The following STK32C variants were observed in gnomAD, a reference collection of about 807,000 sequenced individuals.
STK32C encodes serine/threonine kinase 32C.
A neutral mutation model predicts 56.5 loss-of-function variants in STK32C; 31 were observed. The ratio of observed to expected loss-of-function variants is 0.55; its 90% CI spans 0.41 to 0.74. The LOEUF (loss-of-function observed/expected upper bound fraction) is 0.74. Ranked by LOEUF, STK32C falls within the 30% of genes least tolerant of loss-of-function variation. The pLI is 0.00. For synonymous variants in STK32C, 309 were observed against 289.4 expected (o/e 1.07, Z -0.69); for missense variants, 544 against 676.9 (o/e 0.80, Z 2.18).
intron 1 of STK32C, among the ~76,000 whole-genome samples, chr10:132,326,003 G>A (rs991136389): frequency 1.3e-5 from 2 of 152,156 alleles, no homozygotes; most frequent in Admixed American, 1.3e-4. Context: ...TTACAGGCAT[G>A]AGCCACCACG....
At chr10:132,258,237 G>A (rs1387295901) in intron 1 of STK32C, among the ~76,000 whole-genome samples, 2 of 152,266 alleles carry the variant, frequency 1.3e-5, no homozygotes, top group Admixed American at 6.5e-5. Flanking sequence ...GGCTGGGCAG[G>A]TGTCTGCCGG....
At chr10:132,279,363 G>C (rs142519027) in intron 1 of STK32C, among the ~76,000 whole-genome samples, 1 of 152,068 alleles carries the variant, frequency 6.6e-6, no homozygotes, top group South Asian at 2.1e-4. Context: ...ATCCCAAAGA[G>C]ACAACATAAA....
intron 8 of STK32C, among the ~76,000 whole-genome samples, chr10:132,223,925 C>T (rs554045821): frequency 3.3e-5 from 5 of 152,338 alleles, no homozygotes; most frequent in Middle Eastern, 3.4e-3. Flanking sequence ...CACCCCTGCC[C>T]GTGTCCCTGC....
chr10:132,209,783 C>T (rs1043478995), intron 10 of STK32C, among the ~76,000 whole-genome samples: 28 of 152,182 alleles, frequency 1.8e-4, no homozygotes, highest in Non-Finnish European at 2.8e-4. Flanking sequence ...TCACTACCAA[C>T]GCGTGAGCAA....
At chr10:132,263,620 G>A (rs2064380299) in intron 1 of STK32C, among the ~76,000 whole-genome samples, 2 of 151,990 alleles carry the variant, frequency 1.3e-5, no homozygotes, top group African/African-American at 4.8e-5. Context: ...CATTTTGGGA[G>A]GCAGAGGCAG....
At chr10:132,214,585 G>C (rs747073747) in intron 10 of STK32C, among the ~76,000 whole-genome samples, 1 of 152,252 alleles carries the variant, frequency 6.6e-6, no homozygotes, top group Non-Finnish European at 1.5e-5. Flanking sequence ...AAGCACTTTA[G>C]AGGAGGAATG....
chr10:132,252,172 G>A (rs141736469), intron 1 of STK32C, among the ~76,000 whole-genome samples: 5 of 152,388 alleles, frequency 3.3e-5, no homozygotes, highest in African/African-American at 1.2e-4. Context: ...AAGGTCAGAG[G>A]TCACCACATG....
chr10:132,277,910 G>A (rs1000633950), intron 1 of STK32C, among the ~76,000 whole-genome samples: 1 of 152,174 alleles, frequency 6.6e-6, no homozygotes, highest in Non-Finnish European at 1.5e-5. Flanking sequence ...TGGCTCACCT[G>A]GGAGAGGGTC....
intron 2 of STK32C, among the ~76,000 whole-genome samples, chr10:132,238,864 C>T (rs1474486836): frequency 6.6e-6 from 1 of 152,074 alleles, no homozygotes; most frequent in Non-Finnish European, 1.5e-5. Context: ...CAGGCACACA[C>T]ACGTTCATGT....
chr10:132,222,193 C>A (rs1305801967), intron 10 of STK32C, among the ~76,000 whole-genome samples: 1 of 149,968 alleles, frequency 6.7e-6, no homozygotes, highest in Non-Finnish European at 1.5e-5. Flanking sequence ...GCCAGCACAC[C>A]TGGGCGAGTG....
intron 1 of STK32C, among the ~76,000 whole-genome samples, chr10:132,294,212 A>T (rs953521638): frequency 1.6e-4 from 24 of 152,106 alleles, no homozygotes; most frequent in African/African-American, 5.6e-4. Flanking sequence ...AGCACGGCAG[A>T]GTCAGAGTCA....
At chr10:132,272,909 G>A (rs935281678) in intron 1 of STK32C, among the ~76,000 whole-genome samples, 27 of 152,178 alleles carry the variant, frequency 1.8e-4, no homozygotes, top group African/African-American at 5.5e-4. Context: ...ACTCTGCTGC[G>A]CTCTCTGAAG....
At position 132,300,429 on chromosome 10, in the gene STK32C, T is replaced by TG. The variant is rs551155474; in HGVS notation, c.262+7142dup. ...GGGTGAGAGGAGGCTGGATGGAATC[T>TG]GGGGGGGACAAAGCCAGGCCAGGGC... is the stretch of plus-strand genomic sequence containing the variant. On this transcript the variant is annotated intron_variant, in intron 1 of 11. Coordinates refer to ENST00000298630, the MANE Select transcript of STK32C (RefSeq NM_173575.4). 3.9e-5 allele frequency among the ~76,000 whole-genome samples: 6 copies of TG among 152,174 alleles called. No individual in the cohort carries two copies. The South Asian group carries it at 8.3e-4, about 21-fold the overall frequency.
At chr10:132,248,887 A>G (rs1173302139) in intron 1 of STK32C, 1 of 447,956 alleles carries the variant, frequency 2.2e-6, no homozygotes, top group Non-Finnish European at 4.5e-6. Context: ...TCCAGCCACC[A>G]TCACCTCCAC....
upstream of STK32C, among the ~76,000 whole-genome samples, chr10:132,308,768 G>A (rs2066162639): frequency 6.6e-6 from 1 of 152,182 alleles, no homozygotes; most frequent in South Asian, 2.1e-4. Flanking sequence ...GGCACTCGGC[G>A]TATTTCGGAG....
intron 1 of STK32C, among the ~76,000 whole-genome samples, chr10:132,315,670 C>T (rs146015355): frequency 8.5e-5 from 13 of 152,288 alleles, no homozygotes; most frequent in African/African-American, 2.4e-4. Flanking sequence ...TACACACATA[C>T]GCAATTACTA....
intron 1 of STK32C, among the ~76,000 whole-genome samples, chr10:132,296,719 G>A (rs1163704541): frequency 4.6e-5 from 7 of 152,170 alleles, no homozygotes; most frequent in South Asian, 2.1e-4. Context: ...TGGTTAGACC[G>A]GGCAACCACA....
chr10:132,276,608 C>A (rs1235858743), intron 1 of STK32C, among the ~76,000 whole-genome samples: 1 of 142,830 alleles, frequency 7.0e-6, no homozygotes, highest in African/African-American at 2.7e-5. Context: ...ACAGCAAGAC[C>A]CCCATCTCTG....
chr10:132,307,486 G>T lies in STK32C; in HGVS notation c.262+86C>A, dbSNP rs893092761. 20 of 1,413,032 alleles carry T rather than the reference G, an allele frequency of 1.4e-5. 1 individual carries two copies. In the African/African-American group the frequency reaches 1.8e-4, roughly 13 times the overall value. The allele number at this position is 1,413,032 out of a possible 1,614,324, so 87.5% of individuals were successfully genotyped here. The stretch of plus-strand genomic sequence containing the variant: ...CCGGGAAGCCGTCCCGGACACCGGG[G>T]GAACCCCTGCGGGAAAAAGCCGCCC... On this transcript the variant is annotated intron_variant, in intron 1 of 11. Transcript: ENST00000298630. The surrounding 1 kb of genome is among the most constrained non-coding windows in gnomAD (Gnocchi z 4.4).
Sources: gnomAD v4.1 joint callset for allele counts (sites outside exome capture counted in the v4.1 genomes callset) on GRCh38, gnomAD v4.1.1 for gene constraint, Gnocchi (gnomAD v3.1) non-coding constraint, MANE v1.5 for transcripts, NCBI Gene and HGNC (gene_info 2026-07-23, HGNC 2026-07-21) for gene names.